The following COP1 variants were observed in gnomAD, a reference collection of about 807,000 sequenced individuals.
COP1 encodes COP1 E3 ubiquitin ligase, also known as E3 ubiquitin-protein ligase COP1.
A neutral mutation model predicts 101.3 loss-of-function variants in COP1; 24 were observed. The observed-to-expected ratio is 0.24, with a 90% CI of 0.17 to 0.33. The LOEUF (loss-of-function observed/expected upper bound fraction) is 0.33, where lower values mean the gene tolerates loss of function less well. Ranked by LOEUF, COP1 falls within the 10% of genes least tolerant of loss-of-function variation. COP1 has a pLI of 1.00. For synonymous variants in COP1, 347 were observed against 341.9 expected, an observed-to-expected ratio of 1.01 and a Z score of -0.17; for missense variants, 663 against 906.2, an observed-to-expected ratio of 0.73 and a Z score of 3.45.
intron 15 of COP1, among the ~76,000 whole-genome samples, chr1:176,026,221 AAATT>A (rs1327000168): frequency 1.3e-5 from 2 of 152,106 alleles, no homozygotes; most frequent in Admixed American, 6.5e-5. Flanking sequence ...GCATTGGTAC[AAATT>A]AATTAAATAC....
rs564318046 is a variant in COP1 at position 176,153,409 on chromosome 1, G to C, written c.763-4335C>G. ...CCCAAGTCTTTGTACTGACAGAAAT[G>C]AATACTAGTGATTTCTGTACATTGA... is the stretch of plus-strand genomic sequence containing the variant. On this transcript the variant is annotated intron_variant, in intron 5 of 19. Transcript: ENST00000367669. Among the ~76,000 whole-genome samples, 6 of 152,282 alleles carry C rather than the reference G, an allele frequency of 3.9e-5. No homozygotes were observed. The South Asian group carries it at 1.2e-3, about 32-fold the overall frequency.
At chr1:176,148,197 C>T (rs1363309039) in intron 6 of COP1, among the ~76,000 whole-genome samples, 2 of 151,938 alleles carry the variant, frequency 1.3e-5, no homozygotes, top group Non-Finnish European at 2.9e-5. Flanking sequence ...TAGTCACAAA[C>T]CACATAAAAA....
At chr1:176,072,895 T>C (rs538832670) in intron 11 of COP1, among the ~76,000 whole-genome samples, 1 of 152,314 alleles carries the variant, frequency 6.6e-6, no homozygotes, top group East Asian at 1.9e-4. Context: ...CTTATAGGAA[T>C]AGGGATACAC....
chr1:175,970,085 G>A (rs1434137455), intron 18 of COP1, among the ~76,000 whole-genome samples: 1 of 152,066 alleles, frequency 6.6e-6, no homozygotes, highest in Non-Finnish European at 1.5e-5. Flanking sequence ...GTAGCTGCTG[G>A]TGTTTGTATT....
chr1:176,067,100 T>C (rs1398694310), intron 11 of COP1, among the ~76,000 whole-genome samples: 1 of 152,174 alleles, frequency 6.6e-6, no homozygotes, highest in Non-Finnish European at 1.5e-5. Flanking sequence ...ATTATAATGG[T>C]AGATATATGC....
chr1:175,989,124 G>A (rs180814338), intron 16 of COP1: 2 of 331,958 alleles, frequency 6.0e-6, no homozygotes, highest in Non-Finnish European at 1.1e-5. Context: ...AGGGGGGAGG[G>A]TATATAAAAA....
At chr1:175,992,761 A>G (rs950086575) in intron 15 of COP1, among the ~76,000 whole-genome samples, 1 of 152,194 alleles carries the variant, frequency 6.6e-6, no homozygotes, top group Admixed American at 6.5e-5. Context: ...AACTGGATGG[A>G]GCCCACCACA....
At chr1:176,029,062 G>A (rs1003092920) in intron 14 of COP1, among the ~76,000 whole-genome samples, 2 of 151,834 alleles carry the variant, frequency 1.3e-5, no homozygotes, top group South Asian at 2.1e-4. Flanking sequence ...CCAATTATTC[G>A]TTAAATGTGT....
chr1:176,206,508 C>T (rs1700869033), intron 1 of COP1, 64 bp downstream of exon 1: 1 of 1,576,684 alleles, frequency 6.3e-7, no homozygotes, highest in African/African-American at 1.4e-5. Context: ...GACCCCCCGC[C>T]CCCAAGCCTA....
intron 18 of COP1, among the ~76,000 whole-genome samples, chr1:175,986,014 T>G (rs575597660): frequency 6.6e-6 from 1 of 152,250 alleles, no homozygotes; most frequent in East Asian, 1.9e-4. Context: ...TAAATCAAGA[T>G]AGTAACAAGA....
intron 18 of COP1, among the ~76,000 whole-genome samples, chr1:175,981,491 G>C (rs933433731): frequency 2.6e-5 from 4 of 152,120 alleles, no homozygotes; most frequent in African/African-American, 9.7e-5. Flanking sequence ...GAATGAAGTT[G>C]AGTATCTCAC....
At chr1:175,966,928 C>A (rs915942032) in intron 18 of COP1, among the ~76,000 whole-genome samples, 7 of 152,286 alleles carry the variant, frequency 4.6e-5, no homozygotes, top group African/African-American at 1.7e-4. Context: ...TCTTCCACCC[C>A]CCATACACAA....
intron 8 of COP1, among the ~76,000 whole-genome samples, chr1:176,129,091 G>A (rs932474040): frequency 2.0e-5 from 3 of 151,860 alleles, no homozygotes; most frequent in Admixed American, 6.6e-5. Context: ...CTATTATGCA[G>A]TATTGTTTCT....
At chr1:176,044,937 C>T (rs1671249944) in intron 12 of COP1, among the ~76,000 whole-genome samples, 1 of 152,036 alleles carries the variant, frequency 6.6e-6, no homozygotes, top group Non-Finnish European at 1.5e-5. Context: ...TTGCCATGGG[C>T]CAAGTGTTGT....
At chr1:175,966,088 TTCAG>T (rs1651984447) in intron 18 of COP1, among the ~76,000 whole-genome samples, 1 of 152,192 alleles carries the variant, frequency 6.6e-6, no homozygotes, top group African/African-American at 2.4e-5. Flanking sequence ...TGACTTTTCT[TTCAG>T]TATGTGGTCT....
chr1:175,990,411 T>C (rs1658114803), intron 15 of COP1, among the ~76,000 whole-genome samples: 1 of 152,110 alleles, frequency 6.6e-6, no homozygotes, highest in Non-Finnish European at 1.5e-5. Context: ...AAATATGGTG[T>C]CCCCTGGAGA....
chr1:175,994,586 G>A (rs573302523), intron 15 of COP1, among the ~76,000 whole-genome samples: 18 of 152,240 alleles, frequency 1.2e-4, no homozygotes, highest in Admixed American at 8.5e-4. Flanking sequence ...AAAGGCAGGG[G>A]TTGCAATCCT....
chr1:176,109,302 G>A (rs1408921634), intron 9 of COP1, among the ~76,000 whole-genome samples: 1 of 152,034 alleles, frequency 6.6e-6, no homozygotes, highest in Non-Finnish European at 1.5e-5. Context: ...TTGTTTAGCT[G>A]AACTGAACTC....
At chr1:175,993,925 T>C (rs1217911504) in intron 15 of COP1, among the ~76,000 whole-genome samples, 6 of 151,948 alleles carry the variant, frequency 3.9e-5, no homozygotes, top group African/African-American at 1.5e-4. Flanking sequence ...GAAGAGCAAC[T>C]CCAAGACACA....
Sources: gnomAD v4.1 joint callset for allele counts (sites outside exome capture counted in the v4.1 genomes callset) on GRCh38, gnomAD v4.1.1 for gene constraint, MANE v1.5 for transcripts, NCBI Gene and HGNC (gene_info 2026-07-23, HGNC 2026-07-21) for gene names.